Variants in CACNB2 observed in about 807,000 individuals in gnomAD.
CACNB2 encodes the protein voltage-dependent L-type calcium channel subunit beta-2.
CACNB2 carries 42 observed loss-of-function variants against 73.3 expected under a neutral mutation model. That is an observed-to-expected ratio of 0.57 (90% CI 0.45 to 0.74). The LOEUF (loss-of-function observed/expected upper bound fraction) is 0.74. CACNB2 is among the 30% of genes least tolerant of loss of function. The pLI is 0.00. For synonymous variants in CACNB2, 348 were observed against 310.3 expected, an observed-to-expected ratio of 1.12 and a Z score of -1.28; for missense variants, 940 against 853.0, an observed-to-expected ratio of 1.10 and a Z score of -1.27.
chr10:18,413,886 G>A (rs1174092964), intron 3 of CACNB2, among the ~76,000 whole-genome samples: 2 of 152,236 alleles, frequency 1.3e-5, no homozygotes, highest in African/African-American at 2.4e-5. Flanking sequence ...ATGGGCACAG[G>A]CAACTGGGGC....
chr10:18,298,676 C>G (rs2039377668), intron 2 of CACNB2, among the ~76,000 whole-genome samples: 1 of 152,162 alleles, frequency 6.6e-6, no homozygotes, highest in South Asian at 2.1e-4. Context: ...TGAGTTGCAG[C>G]CCTGGTGGAC....
At chr10:18,387,492 T>A (rs2043284737) in intron 2 of CACNB2, among the ~76,000 whole-genome samples, 1 of 152,162 alleles carries the variant, frequency 6.6e-6, no homozygotes, top group African/African-American at 2.4e-5. Context: ...CTCCTTTGAG[T>A]ATTACATTCT....
chr10:18,466,127 G>A (rs1046655188), intron 3 of CACNB2, among the ~76,000 whole-genome samples: 1 of 152,190 alleles, frequency 6.6e-6, no homozygotes, highest in South Asian at 2.1e-4. Context: ...TCCAGTTACG[G>A]TGCACGAAGC....
chr10:18,507,922 A>G (rs1317291608), intron 6 of CACNB2, among the ~76,000 whole-genome samples: 1 of 152,064 alleles, frequency 6.6e-6, no homozygotes, highest in African/African-American at 2.4e-5. Context: ...CCAATCAAGG[A>G]CTTCTTAGCA....
intron 2 of CACNB2, among the ~76,000 whole-genome samples, chr10:18,361,498 C>CAA (rs201696069): frequency 1.8e-3 from 220 of 122,624 alleles, no homozygotes; most frequent in East Asian, 9.5e-3. Context: ...GACTCTATCT[C>CAA]AAAAAAAAAA....
At chr10:18,227,662 T>C (rs542732786) in intron 2 of CACNB2, among the ~76,000 whole-genome samples, 10 of 152,304 alleles carry the variant, frequency 6.6e-5, no homozygotes, top group African/African-American at 2.4e-4. Flanking sequence ...GCGCTGTTAC[T>C]TTCCAGACCC....
At chr10:18,530,721 C>CGTAA (rs1564660308) in intron 10 of CACNB2, among the ~76,000 whole-genome samples, 2 of 152,168 alleles carry the variant, frequency 1.3e-5, no homozygotes, top group Non-Finnish European at 2.9e-5. Flanking sequence ...GTCAAACCAT[C>CGTAA]GTAAGTCATG....
chr10:18,181,562 TTTTTATTTTA>T (rs147509760), intron 2 of CACNB2, among the ~76,000 whole-genome samples: 18,016 of 113,400 alleles, frequency 0.16, 1,494 homozygotes, highest in African/African-American at 0.17. Flanking sequence ...GAGGATAACT[TTTTTATTTTA>T]TTTTATTTTA....
chr10:18,456,241 C>T (rs1050299226), intron 3 of CACNB2, among the ~76,000 whole-genome samples: 3 of 152,058 alleles, frequency 2.0e-5, no homozygotes, highest in Non-Finnish European at 2.9e-5. Flanking sequence ...GAGGCTGAGG[C>T]GGGCTTATCA....
intron 2 of CACNB2, among the ~76,000 whole-genome samples, chr10:18,337,371 G>C (rs2041049377): frequency 6.6e-6 from 1 of 152,108 alleles, no homozygotes. Context: ...CAAAGTGCTG[G>C]CATTACAGGC....
intron 2 of CACNB2, among the ~76,000 whole-genome samples, chr10:18,154,329 T>C (rs1181412277): frequency 6.7e-6 from 1 of 149,214 alleles, no homozygotes; most frequent in Non-Finnish European, 1.5e-5. Context: ...TATCAGAGAG[T>C]TTGTTAAGGA....
intron 3 of CACNB2, among the ~76,000 whole-genome samples, chr10:18,407,814 C>A (rs1377302051): frequency 6.6e-6 from 1 of 152,066 alleles, no homozygotes; most frequent in Non-Finnish European, 1.5e-5. Context: ...TTCTTTTCTT[C>A]ATTTATAGCT....
chr10:18,178,257 G>A (rs866594184), intron 2 of CACNB2, among the ~76,000 whole-genome samples: 1 of 152,134 alleles, frequency 6.6e-6, no homozygotes, highest in Non-Finnish European at 1.5e-5. Flanking sequence ...CTTTTTCTGT[G>A]TTTTAGTGAT....
intron 3 of CACNB2, among the ~76,000 whole-genome samples, chr10:18,464,801 G>A (rs368676645): frequency 4.6e-5 from 7 of 152,372 alleles, no homozygotes; most frequent in African/African-American, 1.7e-4. Flanking sequence ...AGGGGCGGTA[G>A]GAATGGGAGA....
At chr10:18,387,456 G>A (rs1436548009) in intron 2 of CACNB2, among the ~76,000 whole-genome samples, 1 of 152,088 alleles carries the variant, frequency 6.6e-6, no homozygotes, top group Non-Finnish European at 1.5e-5. Context: ...TTGGGGAACA[G>A]AGGTAAACAA....
At chr10:18,363,345 G>A (rs1304089214) in intron 2 of CACNB2, among the ~76,000 whole-genome samples, 3 of 152,134 alleles carry the variant, frequency 2.0e-5, no homozygotes, top group African/African-American at 2.4e-5. Flanking sequence ...CAAGCAGCAC[G>A]TCTACTCACT....
At chr10:18,278,705 C>G (rs1308341996) in intron 2 of CACNB2, among the ~76,000 whole-genome samples, 1 of 152,010 alleles carries the variant, frequency 6.6e-6, no homozygotes, top group South Asian at 2.1e-4. Flanking sequence ...GGGCCAATTG[C>G]TCCCTGAAAA....
chr10:18,264,636 A>G (rs1404326994), intron 2 of CACNB2, among the ~76,000 whole-genome samples: 1 of 152,170 alleles, frequency 6.6e-6, no homozygotes, highest in Non-Finnish European at 1.5e-5. Flanking sequence ...CCTCTCATCC[A>G]GCTTGTGTTG....
chr10:18,356,292 A>G (rs2041905491), intron 2 of CACNB2, among the ~76,000 whole-genome samples: 1 of 152,200 alleles, frequency 6.6e-6, no homozygotes, highest in African/African-American at 2.4e-5. Flanking sequence ...AGCTCTGGGC[A>G]CCATCAGGAA....
Sources: allele counts gnomAD v4.1 joint callset (sites outside exome capture counted in the v4.1 genomes callset), GRCh38; gene constraint gnomAD v4.1.1; transcripts MANE v1.5; gene names NCBI Gene and HGNC (gene_info 2026-07-23, HGNC 2026-07-21).